Variants in EIF4E3 observed in about 807,000 individuals in gnomAD.
The protein encoded by EIF4E3 is eukaryotic translation initiation factor 4E family member 3.
Under a neutral mutation model 31.7 loss-of-function variants are expected in EIF4E3, and 26 were observed. The observed-to-expected ratio is 0.82, with a 90% CI of 0.60 to 1.14. EIF4E3 has a LOEUF of 1.14. Ranked by LOEUF, EIF4E3 falls within the 50% of genes most tolerant of loss-of-function variation. The pLI, the probability that EIF4E3 is intolerant of heterozygous loss-of-function variation, is 0.00. For synonymous variants in EIF4E3, 128 were observed against 107.7 expected (o/e 1.19, Z -1.17); for missense variants, 304 against 270.9 (o/e 1.12, Z -0.86).
At chr3:71,743,431 A>T (rs191428346) in intron 1 of EIF4E3, among the ~76,000 whole-genome samples, 42 of 152,326 alleles carry the variant, frequency 2.8e-4, no homozygotes, top group African/African-American at 8.7e-4. Context: ...CAGATATACA[A>T]GAACTATACA....
At chr3:71,664,854 G>A in the EIF4E3 span, among the ~76,000 whole-genome samples, 43 of 152,072 alleles carry the variant, frequency 2.8e-4, no homozygotes, top group Admixed American at 2.8e-3. Flanking sequence ...CAGCCTAGGC[G>A]ACAGAGCAAG....
intron 1 of EIF4E3, among the ~76,000 whole-genome samples, chr3:71,752,564 A>AT (rs1284771253): frequency 6.6e-6 from 1 of 152,122 alleles, no homozygotes; most frequent in Non-Finnish European, 1.5e-5. Flanking sequence ...GAAAAAACAA[A>AT]TGAGTGTGGG....
At chr3:71,695,200 G>A (rs2049119210) in intron 4 of EIF4E3, among the ~76,000 whole-genome samples, 1 of 152,154 alleles carries the variant, frequency 6.6e-6, no homozygotes, top group African/African-American at 2.4e-5. Flanking sequence ...GCTGCGAGAG[G>A]CTGTTAGGGG....
chr3:71,732,758 C>G (rs543430123), intron 1 of EIF4E3, among the ~76,000 whole-genome samples: 2 of 152,208 alleles, frequency 1.3e-5, no homozygotes, highest in East Asian at 3.8e-4. Flanking sequence ...AGAAAGGAAA[C>G]GATGAGCAGT....
Position 71,682,335 on chromosome 3 carries a change from T to C in EIF4E3, c.*2347A>G, listed in dbSNP as rs574311807. ...AAAAGACCGGGATTCTACTGGAAGT[T>C]TGCACTTTCCCCACATCAGCCAAGA... On this transcript the variant is annotated 3_prime_UTR_variant, in exon 7 of 7. Transcript: ENST00000425534. 6 of 152,314 alleles carry C rather than the reference T, an allele frequency of 3.9e-5. No homozygotes were observed. The highest frequency in any genetic ancestry group is 2.0e-4 in the Admixed American group (3 of 15,298). The allele number at this position is 152,314 out of a possible 1,614,324, so 9.4% of individuals were successfully genotyped here.
chr3:71,701,785 C>A (rs2049220255), intron 2 of EIF4E3, among the ~76,000 whole-genome samples: 1 of 152,034 alleles, frequency 6.6e-6, no homozygotes. Flanking sequence ...ACTATAAGAT[C>A]AAATTGAAGG....
Position 71,716,263 on chromosome 3 carries a change from C to T in EIF4E3, c.177-5779G>A, listed in dbSNP as rs976093599. Among the ~76,000 whole-genome samples, 5 of 152,080 alleles carry T rather than the reference C, an allele frequency of 3.3e-5. No homozygotes were observed. In the East Asian group the frequency reaches 5.8e-4, roughly 18 times the overall value. On this transcript the variant is annotated intron_variant, in intron 1 of 6. Transcript: ENST00000425534. ...CTTTTTTTTTTTGGAGACGGAGTCTCGCTCTGTTGCCCAAGCTGGAGCGCA... is the reference window on the plus strand; with the variant it reads ...CTTTTTTTTTTTGGAGACGGAGTCTTGCTCTGTTGCCCAAGCTGGAGCGCA...
At chr3:71,720,259 A>G (rs1431044213) in intron 1 of EIF4E3, among the ~76,000 whole-genome samples, 4 of 151,792 alleles carry the variant, frequency 2.6e-5, no homozygotes, top group Non-Finnish European at 5.9e-5. Flanking sequence ...AGTTCACCGC[A>G]TCCTCAAATT....
chr3:71,674,696 A>G (rs1349883550), downstream of EIF4E3, among the ~76,000 whole-genome samples: 2 of 152,192 alleles, frequency 1.3e-5, no homozygotes, highest in Non-Finnish European at 2.9e-5. Context: ...GGAAAGTGGG[A>G]AAGTTTCCTT....
chr3:71,754,607 C>CCTG (rs1268223496), upstream of EIF4E3: 9 of 1,446,778 alleles, frequency 6.2e-6, no homozygotes, highest in South Asian at 2.6e-5. The surrounding 1 kb of genome is among the most constrained non-coding windows in gnomAD (Gnocchi z 5.8). Context: ...CGCTGGGCTT[C>CCTG]CTGCTGCTGC....
intron 5 of EIF4E3, among the ~76,000 whole-genome samples, chr3:71,691,363 A>C (rs746066916): frequency 1.6e-4 from 24 of 152,376 alleles, no homozygotes; most frequent in Non-Finnish European, 2.9e-4. Flanking sequence ...AATAATCGGC[A>C]GTAAAGTAAT....
chr3:71,744,067 A>G (rs992562116), intron 1 of EIF4E3, among the ~76,000 whole-genome samples: 7 of 152,200 alleles, frequency 4.6e-5, no homozygotes, highest in Non-Finnish European at 1.0e-4. Flanking sequence ...ATGTAAAAGC[A>G]TAATTCATAA....
At chr3:71,662,715 C>T in the EIF4E3 span, among the ~76,000 whole-genome samples, 18 of 152,080 alleles carry the variant, frequency 1.2e-4, no homozygotes, top group African/African-American at 3.4e-4. Flanking sequence ...ATATATCCAC[C>T]GACCCAAAGT....
upstream of EIF4E3, among the ~76,000 whole-genome samples, chr3:71,727,721 C>T (rs568214832): frequency 3.7e-4 from 57 of 152,250 alleles, no homozygotes; most frequent in Admixed American, 1.2e-3. Context: ...TTTATATTTA[C>T]GAAGTGACAC....
intron 3 of EIF4E3, 49 bp from the exon 4 acceptor site, chr3:71,696,569 T>C: frequency 1.3e-6 from 2 of 1,598,256 alleles, no homozygotes; most frequent in East Asian, 2.2e-5. Flanking sequence ...TAAGTGATTC[T>C]ACATACAGTT....
chr3:71,710,670 T>C (rs753012185), intron 1 of EIF4E3, among the ~76,000 whole-genome samples, 186 bp from the exon 2 acceptor site: 12 of 152,160 alleles, frequency 7.9e-5, no homozygotes, highest in Admixed American at 2.0e-4. Context: ...ATGTGTTGGC[T>C]TCTTCTAAAA....
chr3:71,706,810 G>A (rs1483568796), intron 2 of EIF4E3, among the ~76,000 whole-genome samples: 1 of 152,002 alleles, frequency 6.6e-6, no homozygotes, highest in African/African-American at 2.4e-5. Flanking sequence ...GTGACAAAGT[G>A]AGACCCTGTT....
the EIF4E3 span, among the ~76,000 whole-genome samples, chr3:71,660,810 G>C: frequency 6.6e-6 from 1 of 152,230 alleles, no homozygotes; most frequent in Non-Finnish European, 1.5e-5. Context: ...GGAAAGAGCT[G>C]TGTGAGCACT....
chr3:71,745,959 G>C (rs567506948), intron 1 of EIF4E3, among the ~76,000 whole-genome samples: 1 of 151,652 alleles, frequency 6.6e-6, no homozygotes, highest in Admixed American at 6.6e-5. Flanking sequence ...GTTTCTTTTC[G>C]ATATTGAAAG....
Sources: gnomAD v4.1 joint callset for allele counts (sites outside exome capture counted in the v4.1 genomes callset) on GRCh38, gnomAD v4.1.1 for gene constraint, Gnocchi (gnomAD v3.1) non-coding constraint, MANE v1.5 for transcripts, NCBI Gene and HGNC (gene_info 2026-07-23, HGNC 2026-07-21) for gene names.